The following DKKL1 variants were observed in gnomAD, a reference collection of about 807,000 sequenced individuals.
The protein encoded by DKKL1 is dickkopf like acrosomal protein 1, also known as dickkopf-like protein 1.
A neutral mutation model predicts 16.5 loss-of-function variants in DKKL1; 11 were observed. That is an observed-to-expected ratio of 0.67 (90% CI 0.42 to 1.10). DKKL1 has a LOEUF of 1.10. Among genes scored for constraint, DKKL1 ranks in the 50% least tolerant of loss-of-function variants. The pLI is 0.00. For synonymous variants in DKKL1, 119 were observed against 133.2 expected, an observed-to-expected ratio of 0.89 and a Z score of 0.73; for missense variants, 320 against 308.1, an observed-to-expected ratio of 1.04 and a Z score of -0.29.
intron 4 of DKKL1, among the ~76,000 whole-genome samples, 194 bp from the exon 5 acceptor site, chr19:49,374,523 C>T (rs1228191071): frequency 2.0e-5 from 3 of 152,188 alleles, no homozygotes; most frequent in Non-Finnish European, 4.4e-5. Context: ...TTTCCAATCC[C>T]AAAGCATTCT....
chr19:49,366,960 TG>T (rs985229757), intron 4 of DKKL1, among the ~76,000 whole-genome samples: 2 of 151,810 alleles, frequency 1.3e-5, no homozygotes, highest in African/African-American at 4.8e-5. Context: ...CGCCCGCCTC[TG>T]CCTCCCAAAG....
upstream of DKKL1, chr19:49,362,598 G>A (rs1465930163): frequency 6.6e-6 from 1 of 152,224 alleles, no homozygotes; most frequent in African/African-American, 2.4e-5. Context: ...GGGTGCTTGG[G>A]AAAGGAGGGG....
intron 2 of DKKL1, among the ~76,000 whole-genome samples, chr19:49,365,061 G>A (rs1157867703): frequency 4.6e-5 from 7 of 152,146 alleles, no homozygotes; most frequent in Admixed American, 3.9e-4. Flanking sequence ...AGCTGCTTGG[G>A]AGGCTGAGGC....
At chr19:49,371,854 G>A (rs953681249) in intron 4 of DKKL1, among the ~76,000 whole-genome samples, 3 of 151,910 alleles carry the variant, frequency 2.0e-5, no homozygotes, top group African/African-American at 7.3e-5. Context: ...TCCCACTTGA[G>A]TGATAACATG....
chr19:49,369,235 G>A (rs770235159), intron 4 of DKKL1: 1 of 152,108 alleles, frequency 6.6e-6, no homozygotes, highest in Non-Finnish European at 1.5e-5. Flanking sequence ...CAAGCATTTT[G>A]ATTCTAACAC....
intron 4 of DKKL1, among the ~76,000 whole-genome samples, chr19:49,371,678 T>G (rs867167707): frequency 3.9e-5 from 6 of 152,092 alleles, no homozygotes; most frequent in Non-Finnish European, 7.3e-5. Context: ...CATGCAGTTT[T>G]GTTGCATAGG....
intron 4 of DKKL1, among the ~76,000 whole-genome samples, chr19:49,367,701 T>C (rs1017930622): frequency 2.0e-5 from 3 of 152,218 alleles, no homozygotes; most frequent in African/African-American, 7.2e-5. Flanking sequence ...CCACCATGCC[T>C]GGCCAGGCCA....
upstream of DKKL1, chr19:49,362,417 G>A (rs1180411562): frequency 6.6e-5 from 10 of 152,294 alleles, no homozygotes; most frequent in Middle Eastern, 3.4e-3. Context: ...GGGGCGCTGC[G>A]AGGGAGAAAG....
At chr19:49,369,330 TTTG>T (rs780540210) in intron 4 of DKKL1, 1 of 141,952 alleles carries the variant, frequency 7.0e-6, no homozygotes, top group African/African-American at 3.1e-5. Context: ...TTTTTTTTTG[TTTG>T]TTTTTTGTTT....
chr19:49,368,001 C>T (rs549481058), intron 4 of DKKL1, among the ~76,000 whole-genome samples: 191 of 151,970 alleles, frequency 1.3e-3, no homozygotes, highest in African/African-American at 4.2e-3. Context: ...TAGAGGGAGT[C>T]TTCATCTCTA....
chr19:49,368,387 G>C (rs2146780086), intron 4 of DKKL1, among the ~76,000 whole-genome samples: 2 of 151,762 alleles, frequency 1.3e-5, no homozygotes, highest in South Asian at 4.2e-4. Context: ...CCAGAAGCCT[G>C]AGGTGGGAGG....
chr19:49,365,964 G>C, intron 4 of DKKL1, 79 bp downstream of exon 4: 1 of 1,375,254 alleles, frequency 7.3e-7, no homozygotes, highest in Non-Finnish European at 9.9e-7. Context: ...GTCTCACTCT[G>C]TCACCCAGGC....
intron 4 of DKKL1, 142 bp downstream of exon 4, chr19:49,366,027 A>G: frequency 1.4e-6 from 1 of 708,592 alleles, no homozygotes; most frequent in Non-Finnish European, 2.2e-6. Context: ...TCCGAAGTTC[A>G]GGCAATTCTC....
rs574773195 is a variant in DKKL1 at position 49,370,365 on chromosome 19, A to G, written c.418-4352A>G. 3 of 152,096 alleles carry G rather than the reference A, an allele frequency of 2.0e-5. No individual in the cohort carries two copies. The South Asian group carries it at 6.2e-4, about 32-fold the overall frequency. 9.4% of individuals were successfully genotyped at this position (152,096 alleles called of 1,614,324 possible). ...AGATAAGGATGCCTCACTGGACTTG[A>G]AGGTTGACAAACGCATGAAAGAAAA... On this transcript the variant is annotated intron_variant, in intron 4 of 4. Coordinates refer to ENST00000221498, the MANE Select transcript of DKKL1 (RefSeq NM_014419.4).
chr19:49,362,919 G>GTTGTTGTTTTTT (rs1568588572), upstream of DKKL1, among the ~76,000 whole-genome samples: 18 of 130,252 alleles, frequency 1.4e-4, 4 homozygotes, highest in Non-Finnish European at 1.6e-4. Flanking sequence ...TGGTTTTTTT[G>GTTGTTGTTTTTT]TTTTTTGTTT....
chr19:49,366,216 C>G (rs544074441), intron 4 of DKKL1, among the ~76,000 whole-genome samples: 3 of 152,288 alleles, frequency 2.0e-5, no homozygotes, highest in African/African-American at 4.8e-5. Context: ...CAGGCATGAG[C>G]CACCATGCCT....
rs1010930858 is a variant in DKKL1, at chr19:49,375,104, T to C, written c.*76T>C. Reference sequence around the variant, plus strand: ...AAGCACCATATGGAAATAAAGTTCTTTCTTACATCTAACAACACCATCTCC... The same window carrying C: ...AAGCACCATATGGAAATAAAGTTCTCTCTTACATCTAACAACACCATCTCC... On this transcript the variant is annotated 3_prime_UTR_variant, in exon 5 of 5. Coordinates refer to ENST00000221498, the MANE Select transcript of DKKL1 (RefSeq NM_014419.4). 1 of 1,448,422 alleles carries C rather than the reference T, an allele frequency of 6.9e-7. No homozygotes were observed. Among genetic ancestry groups the C allele is most frequent in the Non-Finnish European group, 9.2e-7 (1 of 1,087,330 alleles). 89.7% of individuals were successfully genotyped at this position (1,448,422 alleles called of 1,614,324 possible).
At chr19:49,368,479 CTG>C (rs1278647584) in intron 4 of DKKL1, among the ~76,000 whole-genome samples, 1 of 144,150 alleles carries the variant, frequency 6.9e-6, no homozygotes, top group African/African-American at 2.9e-5. Context: ...GAGTGAGACT[CTG>C]TCTCAAAAAA....
chr19:49,374,810 A>G lies in DKKL1; in HGVS notation c.511A>G (p.Ile171Val), dbSNP rs751125333. 1 of 1,613,270 alleles carries G rather than the reference A, an allele frequency of 6.2e-7. No homozygotes were observed. Among genetic ancestry groups the G allele is most frequent in the Non-Finnish European group, 8.5e-7 (1 of 1,179,612 alleles). Residue 171 changes from isoleucine (I) to valine (V), a missense_variant, in exon 5 of 5, where the codon ATC (isoleucine) becomes GTC (valine). By Grantham distance (29) the Ile-to-Val change is conservative. Coordinates refer to ENST00000221498, the MANE Select transcript of DKKL1 (RefSeq NM_014419.4). ...TELHPRVAFW[I>V]IKLPRRRSHQ... ...ACTCCATCCCCGGGTGGCCTTCTGG[A>G]TCATTAAGCTGCCACGGCGGAGGTC...
Sources: allele counts gnomAD v4.1 joint callset (sites outside exome capture counted in the v4.1 genomes callset), GRCh38; gene constraint gnomAD v4.1.1; transcripts MANE v1.5; gene names NCBI Gene and HGNC (gene_info 2026-07-23, HGNC 2026-07-21).